Variants in MYO10 observed in about 807,000 individuals in gnomAD.
The protein encoded by MYO10 is unconventional myosin-X.
MYO10 carries 133 observed loss-of-function variants against 257.3 expected under a neutral mutation model. That is an observed-to-expected ratio of 0.52 (90% CI 0.45 to 0.60). The LOEUF (loss-of-function observed/expected upper bound fraction) is 0.60, where lower values mean the gene tolerates loss of function less well. MYO10 is among the 20% of genes least tolerant of loss of function. The pLI, the probability that MYO10 is intolerant of heterozygous loss-of-function variation, is 0.00. For synonymous variants in MYO10, 1,104 were observed against 1,028.6 expected, an observed-to-expected ratio of 1.07 and a Z score of -1.40; for missense variants, 2,399 against 2,635.7, an observed-to-expected ratio of 0.91 and a Z score of 1.97.
At chr5:16,792,136 G>C (rs62369313) in intron 4 of MYO10, among the ~76,000 whole-genome samples, 445 of 73,674 alleles carry the variant, frequency 6.0e-3, no homozygotes, top group Middle Eastern at 0.011. Flanking sequence ...CACACACAGA[G>C]AGAGAGAGAG....
chr5:16,746,783 G>T (rs562834958), intron 19 of MYO10, among the ~76,000 whole-genome samples: 1 of 152,266 alleles, frequency 6.6e-6, no homozygotes, highest in South Asian at 2.1e-4. Flanking sequence ...TGTAATCGGT[G>T]GTGCCTTTGC....
Position 16,802,385 on chromosome 5 carries a change from G to A in MYO10, c.280-7552C>T, listed in dbSNP as rs192768449. Among the ~76,000 whole-genome samples the A allele has an allele frequency of 1.2e-3, 188 of 152,122 alleles. 2 individuals are homozygous for A. The highest frequency in any genetic ancestry group is 4.4e-3 in the African/African-American group (181 of 41,520). ...ATAAAGAAAAAAATAGGAGCCGGGT[G>A]CAGTGGCTCATGCCTGTAATCCCAA... On this transcript the variant is annotated intron_variant, in intron 3 of 40. Transcript: ENST00000513610.
In MYO10 at chr5:16,763,717, G is replaced by T; in HGVS notation, c.1365C>A (p.Asn455Lys). The T allele has an allele frequency of 1.2e-6, 2 of 1,608,226 alleles. No individual in the cohort carries two copies. Among genetic ancestry groups the T allele is most frequent in the Non-Finnish European group, 1.7e-6 (2 of 1,175,482 alleles). ...HFEQFNINYA[N>K]EKLQEYFNKH... The stretch of plus-strand genomic sequence containing the variant: ...TGTTGAAGTACTCCTGAAGTTTCTC[G>T]TTTGCATAGTTTATATTGAACTGTT... The change falls in exon 13 of 41, where the codon AAC (asparagine) becomes AAA (lysine). Residue 455 changes from asparagine to lysine, a missense_variant. This residue lies in a region of MYO10 where 337 missense variants were observed against 446.8 expected (regional missense o/e 0.75). Transcript: ENST00000513610.
At chr5:16,844,689 G>A (rs1326625590) in intron 2 of MYO10, among the ~76,000 whole-genome samples, 1 of 151,990 alleles carries the variant, frequency 6.6e-6, no homozygotes, top group African/African-American at 2.4e-5. Flanking sequence ...TGCCCTTAAA[G>A]CTATGCAAAA....
At position 16,882,500 on chromosome 5, in the gene MYO10, T is replaced by C. The variant is rs116702624; in HGVS notation, c.22-4793A>G. ...TTACCAGCAAAAATACTGGAAACAA[T>C]TCAAAGGTCTAGTAACTGGTATAGA... On this transcript the variant is annotated intron_variant, in intron 1 of 40. Coordinates refer to ENST00000513610, the MANE Select transcript of MYO10 (RefSeq NM_012334.3). Among the ~76,000 whole-genome samples, 768 of 152,136 alleles carry C rather than the reference T, an allele frequency of 5.0e-3. 10 individuals carry two copies. Among genetic ancestry groups the C allele is most frequent in the African/African-American group, 0.018 (741 of 41,502 alleles).
chr5:16,864,789 T>C (rs1378037405), intron 2 of MYO10, among the ~76,000 whole-genome samples: 1 of 152,154 alleles, frequency 6.6e-6, no homozygotes, highest in East Asian at 1.9e-4. Flanking sequence ...AGCCACAAAA[T>C]GCCAAAGCAA....
chr5:16,818,369 TGTGTGTGTGTGC>T (rs1227615778), intron 2 of MYO10, among the ~76,000 whole-genome samples: 1 of 98,850 alleles, frequency 1.0e-5, no homozygotes, highest in East Asian at 3.5e-4. Flanking sequence ...TGTATGTGTG[TGTGTGTGTGTGC>T]GTGTGTGTGT....
At chr5:16,893,196 C>CAAAAAAAAAAAA (rs59761183) in intron 1 of MYO10, among the ~76,000 whole-genome samples, 4,884 of 69,204 alleles carry the variant, frequency 0.071, 753 homozygotes, top group Non-Finnish European at 0.1. Flanking sequence ...GACTCTGTCT[C>CAAAAAAAAAAAA]AAAAAAAAAA....
intron 1 of MYO10, among the ~76,000 whole-genome samples, chr5:16,893,069 C>A (rs551271534): frequency 6.6e-6 from 1 of 151,520 alleles, no homozygotes; most frequent in Non-Finnish European, 1.5e-5. Context: ...TGGTGGCGGG[C>A]GCCTGTAGTC....
intron 9 of MYO10, among the ~76,000 whole-genome samples, chr5:16,770,118 G>C (rs778145103): frequency 6.6e-5 from 10 of 152,228 alleles, no homozygotes; most frequent in Middle Eastern, 6.8e-3. Context: ...TGCAGTCCCA[G>C]CTCCTGGCTT....
Position 16,727,021 on chromosome 5 carries a change from C to T in MYO10, c.1930-15776G>A, listed in dbSNP as rs150170004. On this transcript the variant is annotated intron_variant, in intron 19 of 40. Transcript: ENST00000513610. Reference sequence around the variant, plus strand: ...AAAGCTAGACAAACAGGGTGCTCAACTGGTGCAAATTGAGTTGTGCTCTAG... The same window carrying T: ...AAAGCTAGACAAACAGGGTGCTCAATTGGTGCAAATTGAGTTGTGCTCTAG... Among the ~76,000 whole-genome samples the T allele has an allele frequency of 1.9e-3, 284 of 152,312 alleles. 1 individual carries two copies. The highest frequency in any genetic ancestry group is 6.8e-3 in the Middle Eastern group (2 of 294).
intron 2 of MYO10, among the ~76,000 whole-genome samples, chr5:16,830,722 C>T (rs1426890147): frequency 1.7e-5 from 2 of 114,436 alleles, no homozygotes; most frequent in African/African-American, 2.9e-5. Context: ...ACTCTTGGGC[C>T]TTCATTCTAA....
chr5:16,787,746 A>G lies in MYO10; in HGVS notation c.468-4277T>C, dbSNP rs1440841002. On this transcript the variant is annotated intron_variant, in intron 4 of 40. Coordinates refer to ENST00000513610, the MANE Select transcript of MYO10 (RefSeq NM_012334.3). ...TTTGTAAGCACAATGGAAAGTCACA[A>G]GACAGTTCCTAAGCAGGAGAGTGTC... Among the ~76,000 whole-genome samples, 4 of 152,124 alleles carry G rather than the reference A, an allele frequency of 2.6e-5. No individual in the cohort carries two copies. In the East Asian group the frequency reaches 5.8e-4, roughly 22 times the overall value.
intron 1 of MYO10, among the ~76,000 whole-genome samples, chr5:16,882,991 C>A (rs1169309049): frequency 6.6e-6 from 1 of 151,142 alleles, no homozygotes; most frequent in Admixed American, 6.6e-5. Flanking sequence ...TCTCGGCTCA[C>A]TGCAAGCTCT....
intron 2 of MYO10, among the ~76,000 whole-genome samples, chr5:16,838,562 G>C (rs1335079345): frequency 2.0e-5 from 3 of 152,148 alleles, no homozygotes; most frequent in African/African-American, 7.2e-5. Flanking sequence ...AAAGAGCAAG[G>C]GGAAGCAGGA....
chr5:16,795,532 C>T (rs1312084103), intron 3 of MYO10, among the ~76,000 whole-genome samples: 3 of 152,102 alleles, frequency 2.0e-5, no homozygotes, highest in Admixed American at 2.0e-4. Flanking sequence ...ACCCAGGAGC[C>T]AGAGGTTGCA....
At chr5:16,736,401 A>G (rs531884095) in intron 19 of MYO10, among the ~76,000 whole-genome samples, 2 of 152,186 alleles carry the variant, frequency 1.3e-5, no homozygotes, top group South Asian at 4.1e-4. Flanking sequence ...CTGATGCAAC[A>G]GCGCTGCAAA....
chr5:16,923,543 T>A (rs1034948287), intron 1 of MYO10, among the ~76,000 whole-genome samples: 5 of 150,862 alleles, frequency 3.3e-5, no homozygotes, highest in Non-Finnish European at 7.4e-5. Context: ...CGTCTCGGCC[T>A]CCCAAAGTGC....
At chr5:16,731,919 A>G (rs1739598534) in intron 19 of MYO10, among the ~76,000 whole-genome samples, 1 of 152,170 alleles carries the variant, frequency 6.6e-6, no homozygotes, top group African/African-American at 2.4e-5. Flanking sequence ...CTATGCTGCC[A>G]TCAGAAAAAA....
Sources: gnomAD v4.1 joint callset for allele counts (sites outside exome capture counted in the v4.1 genomes callset) on GRCh38, gnomAD v4.1.1 for gene constraint, gnomAD v4.1.1 regional missense constraint, MANE v1.5 for transcripts, NCBI Gene and HGNC (gene_info 2026-07-23, HGNC 2026-07-21) for gene names.